The following BICRAL variants were observed in gnomAD, a reference collection of about 807,000 sequenced individuals.
The protein encoded by BICRAL is BRD4-interacting chromatin-remodeling complex-associated protein-like.
Under a neutral mutation model 91.8 loss-of-function variants are expected in BICRAL, and 8 were observed. That is an observed-to-expected ratio of 0.09 (90% CI 0.05 to 0.16). The LOEUF (loss-of-function observed/expected upper bound fraction) is 0.16, where lower values mean the gene tolerates loss of function less well. Among genes scored for constraint, BICRAL ranks in the 10% least tolerant of loss-of-function variants. The probability of loss-of-function intolerance (pLI) is 1.00; values close to 1 mark genes in which losing one functional copy is unlikely to be tolerated. For synonymous variants in BICRAL, 445 were observed against 491.1 expected, an observed-to-expected ratio of 0.91 and a Z score of 1.24; for missense variants, 1,038 against 1,310.9, an observed-to-expected ratio of 0.79 and a Z score of 3.21.
At chr6:42,768,060 G>GA (rs1358010637) in intron 1 of BICRAL, among the ~76,000 whole-genome samples, 1 of 152,200 alleles carries the variant, frequency 6.6e-6, no homozygotes, top group Non-Finnish European at 1.5e-5. Flanking sequence ...TGTTTTAGAA[G>GA]AAGGTGAAGA....
intron 2 of BICRAL, among the ~76,000 whole-genome samples, chr6:42,815,916 G>A (rs1265741784): frequency 2.7e-5 from 4 of 150,078 alleles, no homozygotes; most frequent in East Asian, 3.9e-4. Context: ...CCCGGTAAGC[G>A]GAGGTTGTGG....
intron 1 of BICRAL, among the ~76,000 whole-genome samples, chr6:42,772,795 T>C (rs1000729074): frequency 2.0e-5 from 3 of 152,114 alleles, no homozygotes; most frequent in Admixed American, 2.0e-4. Flanking sequence ...ATTCAGGTGA[T>C]GGTAATTGGC....
At chr6:42,795,141 G>A (rs565562519) in intron 1 of BICRAL, among the ~76,000 whole-genome samples, 35 of 152,112 alleles carry the variant, frequency 2.3e-4, no homozygotes, top group African/African-American at 8.0e-4. Context: ...ATTTAAAAAC[G>A]TGACAAAAAG....
chr6:42,856,705 T>G (rs1451697994), intron 9 of BICRAL, among the ~76,000 whole-genome samples: 1 of 152,164 alleles, frequency 6.6e-6, no homozygotes, highest in African/African-American at 2.4e-5. Flanking sequence ...CTGTTTGCTC[T>G]TTTCTTCTTA....
chr6:42,809,258 G>C (rs1337441765), intron 1 of BICRAL, among the ~76,000 whole-genome samples: 2 of 151,724 alleles, frequency 1.3e-5, no homozygotes, highest in Non-Finnish European at 2.9e-5. Context: ...TCCCTGCAAA[G>C]GATATGAACT....
intron 5 of BICRAL, among the ~76,000 whole-genome samples, chr6:42,826,232 T>C (rs1011539442): frequency 8.3e-6 from 1 of 120,152 alleles, no homozygotes; most frequent in African/African-American, 3.3e-5. Context: ...ACTCATGTTC[T>C]TTTTTTTTTT....
intron 5 of BICRAL, among the ~76,000 whole-genome samples, chr6:42,828,058 A>G (rs1227910054): frequency 6.6e-6 from 1 of 152,196 alleles, no homozygotes; most frequent in Non-Finnish European, 1.5e-5. Flanking sequence ...AAATATCAGA[A>G]TAAGGTGAGC....
chr6:42,820,834 G>T lies in BICRAL; in HGVS notation c.-5-1184G>T, dbSNP rs570845363. Reference sequence around the variant, plus strand: ...TCTGAATGAATTCAGCCGCCAAGGGGAAGATCACTGGCAGATCCCAGTGGG... The same window carrying T: ...TCTGAATGAATTCAGCCGCCAAGGGTAAGATCACTGGCAGATCCCAGTGGG... On this transcript the variant is annotated intron_variant, in intron 2 of 12. Transcript: ENST00000314073. Among the ~76,000 whole-genome samples the T allele has an allele frequency of 9.2e-5, 14 of 152,300 alleles. No individual in the cohort carries two copies. The East Asian group carries it at 2.7e-3, about 29-fold the overall frequency.
chr6:42,792,361 G>A lies in BICRAL; in HGVS notation c.-102+10260G>A, dbSNP rs544843479. Among the ~76,000 whole-genome samples, 6 of 152,088 alleles carry A rather than the reference G, an allele frequency of 3.9e-5. No individual in the cohort carries two copies. In the East Asian group the frequency reaches 1.2e-3, roughly 29 times the overall value. On this transcript the variant is annotated intron_variant, in intron 1 of 12. Coordinates refer to ENST00000314073, the MANE Select transcript of BICRAL (RefSeq NM_001393499.1). ...CATAGCTGCAGCCTCCATCTCGTGGGTTCAAGCAGCCCTCTCACCTCAGCC... is the reference window on the plus strand; with the variant it reads ...CATAGCTGCAGCCTCCATCTCGTGGATTCAAGCAGCCCTCTCACCTCAGCC...
chr6:42,777,287 G>A (rs896903014), upstream of BICRAL, among the ~76,000 whole-genome samples: 1 of 152,166 alleles, frequency 6.6e-6, no homozygotes, highest in East Asian at 1.9e-4. Context: ...ATAACTCTCA[G>A]AGGTGGGTAC....
intron 10 of BICRAL, among the ~76,000 whole-genome samples, chr6:42,858,606 T>A (rs189924661): frequency 3.4e-5 from 5 of 148,176 alleles, no homozygotes; most frequent in African/African-American, 1.3e-4. Context: ...TCACCTGAGG[T>A]CAGGAGTTCG....
At position 42,784,548 on chromosome 6, in the gene BICRAL, G is replaced by C. The variant is rs555612497; in HGVS notation, c.-102+2447G>C. Among the ~76,000 whole-genome samples the C allele has an allele frequency of 3.9e-5, 6 of 152,294 alleles. No individual in the cohort carries two copies. The South Asian group carries it at 1.2e-3, about 32-fold the overall frequency. ...CTGTATGCCAGGAACTGTGCCTGAT[G>C]CTTTGTATAATTTCTATTATATCAG... On this transcript the variant is annotated intron_variant, in intron 1 of 12. Transcript: ENST00000314073.
At chr6:42,842,022 A>C (rs1764812697) in intron 6 of BICRAL, among the ~76,000 whole-genome samples, 1 of 152,206 alleles carries the variant, frequency 6.6e-6, no homozygotes, top group Non-Finnish European at 1.5e-5. Flanking sequence ...CCACTCTGCC[A>C]GCGAGTGGTT....
At chr6:42,861,991 T>C (rs1765568905) in intron 11 of BICRAL, among the ~76,000 whole-genome samples, 1 of 151,778 alleles carries the variant, frequency 6.6e-6, no homozygotes, top group Admixed American at 6.6e-5. Flanking sequence ...AGAGCGAGAC[T>C]CTGTCTAAAA....
intron 1 of BICRAL, among the ~76,000 whole-genome samples, chr6:42,747,644 A>G (rs1762300982): frequency 6.6e-6 from 1 of 152,152 alleles, no homozygotes; most frequent in African/African-American, 2.4e-5. Flanking sequence ...GCGCGGGGGC[A>G]GGGGAGAGGC....
At chr6:42,853,060 G>C in intron 7 of BICRAL, among the ~76,000 whole-genome samples, 1 of 119,632 alleles carries the variant, frequency 8.4e-6, no homozygotes, top group Non-Finnish European at 1.7e-5. Flanking sequence ...ACAAGACCTT[G>C]TCTCAAAAAA....
At chr6:42,863,801 G>A (rs1765626750) in intron 12 of BICRAL, among the ~76,000 whole-genome samples, 1 of 152,212 alleles carries the variant, frequency 6.6e-6, no homozygotes. Flanking sequence ...GCCAAGGCGG[G>A]TGGATCACCT....
intron 1 of BICRAL, among the ~76,000 whole-genome samples, chr6:42,749,002 C>G (rs1762334355): frequency 1.3e-5 from 2 of 152,162 alleles, no homozygotes; most frequent in Admixed American, 6.6e-5. Context: ...GCTCTGAGTT[C>G]TGCATCCTAC....
At chr6:42,821,944 T>A (rs1764148738) in intron 2 of BICRAL, 74 bp from the exon 3 acceptor site, 1 of 859,744 alleles carries the variant, frequency 1.2e-6, no homozygotes, top group Non-Finnish European at 1.9e-6. Context: ...TAAGGCATAC[T>A]TTTGTATTGC....
Sources: gnomAD v4.1 joint callset for allele counts (sites outside exome capture counted in the v4.1 genomes callset) on GRCh38, gnomAD v4.1.1 for gene constraint, MANE v1.5 for transcripts, NCBI Gene and HGNC (gene_info 2026-07-23, HGNC 2026-07-21) for gene names.